FAF2: variants seen among roughly 807,000 people sequenced by gnomAD.
The protein encoded by FAF2 is Fas associated factor family member 2.
In FAF2, 9 loss-of-function variants were observed where a neutral mutation model predicts 62.3. The ratio of observed to expected loss-of-function variants is 0.14; its 90% confidence interval spans 0.09 to 0.25. FAF2 has a LOEUF of 0.25. Ranked by LOEUF, FAF2 falls within the 10% of genes least tolerant of loss-of-function variation. The pLI, the probability that FAF2 is intolerant of heterozygous loss-of-function variation, is 1.00. For missense variants in FAF2, 368 were observed against 556.2 expected, an observed-to-expected ratio of 0.66 and a Z score of 3.40; for synonymous variants, 202 against 198.0, an observed-to-expected ratio of 1.02 and a Z score of -0.17.
chr5:176,466,557 A>G (rs552017959), intron 1 of FAF2, among the ~76,000 whole-genome samples: 2 of 152,338 alleles, frequency 1.3e-5, no homozygotes, highest in South Asian at 4.1e-4. Flanking sequence ...ATCCCTATCC[A>G]AATAGCTGTT....
intron 5 of FAF2, among the ~76,000 whole-genome samples, chr5:176,493,552 T>C (rs1319349294): frequency 2.6e-5 from 4 of 152,262 alleles, no homozygotes; most frequent in Admixed American, 6.5e-5. Flanking sequence ...CTACTCGATA[T>C]GTGGCCTGGG....
chr5:176,498,828 C>G, intron 8 of FAF2, 86 bp from the exon 9 acceptor site: 4 of 1,272,054 alleles, frequency 3.1e-6, no homozygotes, highest in Non-Finnish European at 4.2e-6. Context: ...TTTACACACA[C>G]ACACACACAG....
intron 1 of FAF2, among the ~76,000 whole-genome samples, chr5:176,448,776 G>A (rs1004407926): frequency 6.6e-6 from 1 of 152,146 alleles, no homozygotes; most frequent in Non-Finnish European, 1.5e-5. Context: ...GTTATCGGTC[G>A]GACCCTCTCC....
At chr5:176,467,429 T>A (rs1442349360) in intron 1 of FAF2, among the ~76,000 whole-genome samples, 1 of 152,104 alleles carries the variant, frequency 6.6e-6, no homozygotes, top group African/African-American at 2.4e-5. Flanking sequence ...CTCCCAAGTT[T>A]AAGCGATTCT....
Position 176,494,088 on chromosome 5 carries a change from A to T in FAF2, c.569+4A>T, listed in dbSNP as rs1303286664. On this transcript the variant is annotated splice_donor_region_variant and intron_variant, in intron 6 of 10. Coordinates refer to ENST00000261942, the MANE Select transcript of FAF2 (RefSeq NM_014613.3). This position sits in a 1 kb window ranked among gnomAD's most constrained non-coding sequence, Gnocchi z 4.0. The stretch of plus-strand genomic sequence containing the variant: ...AGGACTCTGATGAGTTTTGTCGGTA[A>T]GTGGATTGATTATTTTCCTTCTCTT... The T allele has an allele frequency of 1.2e-6, 2 of 1,613,610 alleles. No individual in the cohort carries two copies. Among genetic ancestry groups the T allele is most frequent in the Non-Finnish European group, 1.7e-6 (2 of 1,179,546 alleles).
chr5:176,452,747 TTG>T (rs1758211575), intron 1 of FAF2, among the ~76,000 whole-genome samples: 1 of 152,170 alleles, frequency 6.6e-6, no homozygotes, highest in Non-Finnish European at 1.5e-5. Flanking sequence ...AAGCCAGATT[TTG>T]GAGGCCTTTC....
intron 8 of FAF2, 90 bp from the exon 9 acceptor site, chr5:176,498,824 C>A: frequency 8.5e-7 from 1 of 1,173,190 alleles, no homozygotes; most frequent in Non-Finnish European, 1.1e-6. Flanking sequence ...CATTTTTACA[C>A]ACACACACAC....
chr5:176,458,398 CT>C (rs1427639009), intron 1 of FAF2, among the ~76,000 whole-genome samples: 1 of 77,870 alleles, frequency 1.3e-5, no homozygotes, highest in African/African-American at 5.3e-5. Flanking sequence ...TAATATTTTT[CT>C]TTTTCTTCCT....
chr5:176,472,953 C>A (rs527244980), intron 1 of FAF2, among the ~76,000 whole-genome samples: 1 of 152,164 alleles, frequency 6.6e-6, no homozygotes, highest in Admixed American at 6.5e-5. Context: ...ATAAACTTGT[C>A]ATTAGGAGAG....
chr5:176,485,374 T>C (rs1758857760), intron 2 of FAF2, among the ~76,000 whole-genome samples: 1 of 152,198 alleles, frequency 6.6e-6, no homozygotes, highest in East Asian at 1.9e-4. Flanking sequence ...AACCACATGG[T>C]TGGTCTTTCT....
At chr5:176,498,227 A>G (rs891416582) in intron 8 of FAF2, among the ~76,000 whole-genome samples, 7 of 152,242 alleles carry the variant, frequency 4.6e-5, no homozygotes, top group Admixed American at 4.6e-4. Context: ...TTCCGAGGTA[A>G]CTGAAATGTT....
chr5:176,452,487 G>A (rs1370850963), intron 1 of FAF2, among the ~76,000 whole-genome samples: 1 of 152,226 alleles, frequency 6.6e-6, no homozygotes, highest in African/African-American at 2.4e-5. Context: ...ATCTATTGAT[G>A]TATTTACTCA....
intron 1 of FAF2, among the ~76,000 whole-genome samples, chr5:176,469,021 C>T (rs982096316): frequency 6.6e-6 from 1 of 151,960 alleles, no homozygotes; most frequent in Non-Finnish European, 1.5e-5. Flanking sequence ...AAGGTGGATG[C>T]ATCACCTGAG....
Position 176,492,315 on chromosome 5 carries a change from C to G in FAF2, c.466C>G (p.Gln156Glu). 1 of 1,613,852 alleles carries G rather than the reference C, an allele frequency of 6.2e-7. No homozygotes were observed. The highest frequency in any genetic ancestry group is 8.5e-7 in the Non-Finnish European group (1 of 1,179,900). ...TGGGAGGGCACACCCTGTCTTCTAC[C>G]AGGGAACGTACAGCCAGGTCAGTGC... ...KYGRAHPVFY[Q>E]GTYSQALNDA... The change falls in exon 5 of 11, where the codon CAG becomes GAG. Residue 156 changes from glutamine (Q) to glutamate (E), a missense_variant. Physicochemically the swap from Gln to Glu is conservative, Grantham distance 29. Coordinates refer to ENST00000261942, the MANE Select transcript of FAF2 (RefSeq NM_014613.3).
chr5:176,458,823 T>C (rs1758325086), intron 1 of FAF2, among the ~76,000 whole-genome samples: 1 of 152,170 alleles, frequency 6.6e-6, no homozygotes, highest in Admixed American at 6.6e-5. Flanking sequence ...CCTTTCTATT[T>C]CTATTCCAGT....
intron 2 of FAF2, among the ~76,000 whole-genome samples, chr5:176,481,822 G>C (rs1251996067): frequency 6.6e-6 from 1 of 152,112 alleles, no homozygotes; most frequent in Admixed American, 6.5e-5. Context: ...CCGGGCCCTA[G>C]CGTTCAAGCT....
At chr5:176,506,223 G>A (rs964449972) in intron 10 of FAF2, among the ~76,000 whole-genome samples, 1 of 151,042 alleles carries the variant, frequency 6.6e-6, no homozygotes, top group Non-Finnish European at 1.5e-5. Context: ...AAAAAAACTG[G>A]ATCCCTTTGC....
At chr5:176,467,517 G>A (rs1758491385) in intron 1 of FAF2, among the ~76,000 whole-genome samples, 1 of 152,234 alleles carries the variant, frequency 6.6e-6, no homozygotes, top group South Asian at 2.1e-4. Context: ...TATTTATACA[G>A]AACCGGGTTT....
At position 176,487,773 on chromosome 5, in the gene FAF2, C is replaced by G. The variant is rs1443696886; in HGVS notation, c.268-1178C>G. Among the ~76,000 whole-genome samples, 3 of 152,050 alleles carry G rather than the reference C, an allele frequency of 2.0e-5. No homozygotes were observed. In the East Asian group the frequency reaches 5.8e-4, roughly 29 times the overall value. On this transcript the variant is annotated intron_variant, in intron 3 of 10. Transcript: ENST00000261942. ...AATATAATTATTTAATGTTTATATA[C>G]CAATGTCCAAGGTTAGTAATAGTGA...
Sources: gnomAD v4.1 joint callset for allele counts (sites outside exome capture counted in the v4.1 genomes callset) on GRCh38, gnomAD v4.1.1 for gene constraint, Gnocchi (gnomAD v3.1) non-coding constraint, MANE v1.5 for transcripts, NCBI Gene and HGNC (gene_info 2026-07-23, HGNC 2026-07-21) for gene names.